Variants in TTC28 observed in about 807,000 individuals in gnomAD.
TTC28 encodes the protein tetratricopeptide repeat domain 28.
A neutral mutation model predicts 198.0 loss-of-function variants in TTC28; 61 were observed. That is an observed-to-expected ratio of 0.31 (90% CI 0.25 to 0.38). TTC28 has a LOEUF of 0.38. TTC28 is among the 10% of genes least tolerant of loss of function. The probability of loss-of-function intolerance (pLI) is 1.00; values close to 1 mark genes in which losing one functional copy is unlikely to be tolerated. For synonymous variants in TTC28, 1,171 were observed against 1,297.8 expected, an observed-to-expected ratio of 0.90 and a Z score of 2.10; for missense variants, 2,678 against 3,164.0, an observed-to-expected ratio of 0.85 and a Z score of 3.69.
intron 2 of TTC28, among the ~76,000 whole-genome samples, chr22:28,484,194 A>G (rs1450136598): frequency 1.3e-5 from 2 of 152,008 alleles, no homozygotes; most frequent in African/African-American, 4.8e-5. Flanking sequence ...TGCAGCCGTG[A>G]TCTCTCAGGC....
chr22:28,112,136 A>C (rs1942498477), intron 6 of TTC28, among the ~76,000 whole-genome samples: 1 of 152,180 alleles, frequency 6.6e-6, no homozygotes, highest in African/African-American at 2.4e-5. Context: ...TCTCACTAAT[A>C]AGGTCATATT....
intron 12 of TTC28, among the ~76,000 whole-genome samples, chr22:28,092,338 A>G (rs1172325754): frequency 6.6e-6 from 1 of 152,096 alleles, no homozygotes; most frequent in Non-Finnish European, 1.5e-5. Context: ...GTTCATCAGG[A>G]TCCTTAATCT....
intron 6 of TTC28, among the ~76,000 whole-genome samples, chr22:28,113,744 G>A (rs1209392031): frequency 6.6e-6 from 1 of 152,214 alleles, no homozygotes; most frequent in Non-Finnish European, 1.5e-5. Context: ...GAAAATAGAT[G>A]AAACAAGATT....
Position 28,622,014 on chromosome 22 carries a change from A to C in TTC28, c.381+7538T>G, listed in dbSNP as rs559689861. On this transcript the variant is annotated intron_variant, in intron 2 of 22. Transcript: ENST00000397906. The stretch of plus-strand genomic sequence containing the variant: ...TCACCCCAACCCAGAAAACAACTGT[A>C]AAGTCTAGACATAATATTTTAAAAA... 7.9e-5 allele frequency among the ~76,000 whole-genome samples: 12 copies of C among 152,234 alleles called. No individual in the cohort carries two copies. In the East Asian group the frequency reaches 2.3e-3, roughly 29 times the overall value.
intron 5 of TTC28, among the ~76,000 whole-genome samples, chr22:28,269,991 C>A (rs1277561211): frequency 1.3e-5 from 2 of 152,192 alleles, no homozygotes; most frequent in African/African-American, 4.8e-5. Flanking sequence ...CTGGTAAGAA[C>A]TGTTGACAAA....
At chr22:28,598,509 CAAAAAAAAAAA>C (rs36035176) in intron 2 of TTC28, among the ~76,000 whole-genome samples, 14 of 52,670 alleles carry the variant, frequency 2.7e-4, no homozygotes, top group African/African-American at 3.5e-4. Flanking sequence ...ACTACGTCTC[CAAAAAAAAAAA>C]AAAAAAAAAA....
intron 2 of TTC28, among the ~76,000 whole-genome samples, chr22:28,472,708 G>C (rs1178204648): frequency 6.6e-6 from 1 of 151,818 alleles, no homozygotes; most frequent in East Asian, 1.9e-4. Flanking sequence ...CCTAAAAAAG[G>C]GAACAGAGAA....
At chr22:28,601,449 CT>C (rs923122935) in intron 2 of TTC28, among the ~76,000 whole-genome samples, 2 of 152,058 alleles carry the variant, frequency 1.3e-5, no homozygotes, top group African/African-American at 2.4e-5. Context: ...ATATAGACTT[CT>C]TTTTTTGTCA....
intron 2 of TTC28, among the ~76,000 whole-genome samples, chr22:28,559,192 C>T (rs2049832183): frequency 1.3e-5 from 2 of 152,060 alleles, no homozygotes; most frequent in African/African-American, 4.8e-5. Context: ...TTATCTTATC[C>T]ATATGCTTAG....
intron 12 of TTC28, among the ~76,000 whole-genome samples, chr22:28,091,299 T>C (rs906918993): frequency 1.3e-5 from 2 of 152,250 alleles, no homozygotes; most frequent in Non-Finnish European, 2.9e-5. Flanking sequence ...AGGGTAATCC[T>C]CTTCTTTCTC....
At position 28,518,796 on chromosome 22, in the gene TTC28, GT is replaced by G. The variant is rs1349298134; in HGVS notation, c.381+110755del. On this transcript the variant is annotated intron_variant, in intron 2 of 22. Coordinates refer to ENST00000397906, the MANE Select transcript of TTC28 (RefSeq NM_001145418.2). ...AATTCATCTATCAATTACGAAAGTA[GT>G]AAAAAGGTCTTCATGACTAATATGC... Among the ~76,000 whole-genome samples, 9 of 152,272 alleles carry G rather than the reference GT, an allele frequency of 5.9e-5. No homozygotes were observed. The East Asian group carries it at 9.6e-4, about 16-fold the overall frequency.
At chr22:28,347,281 A>AC (rs2045919073) in intron 2 of TTC28, among the ~76,000 whole-genome samples, 2 of 151,542 alleles carry the variant, frequency 1.3e-5, no homozygotes, top group African/African-American at 4.8e-5. Flanking sequence ...GAAAAAAAAA[A>AC]AAAACAAAAA....
chr22:28,374,615 T>C (rs1227146708), intron 2 of TTC28, among the ~76,000 whole-genome samples: 1 of 152,176 alleles, frequency 6.6e-6, no homozygotes, highest in Non-Finnish European at 1.5e-5. Flanking sequence ...CTGACTCTGT[T>C]TCCTCATTGG....
intron 5 of TTC28, among the ~76,000 whole-genome samples, chr22:28,223,246 T>A (rs1162431810): frequency 6.6e-6 from 1 of 152,184 alleles, no homozygotes; most frequent in African/African-American, 2.4e-5. Context: ...CCAATGTGCT[T>A]ACTGCAATAG....
At chr22:28,025,049 A>T (rs1938772953) in intron 13 of TTC28, among the ~76,000 whole-genome samples, 1 of 152,218 alleles carries the variant, frequency 6.6e-6, no homozygotes, top group Non-Finnish European at 1.5e-5. Flanking sequence ...GGGGGTTCAA[A>T]GCCAGGGCTA....
chr22:28,264,738 G>A (rs556618764), intron 5 of TTC28, among the ~76,000 whole-genome samples: 4 of 152,270 alleles, frequency 2.6e-5, no homozygotes, highest in Non-Finnish European at 5.9e-5. Flanking sequence ...AAGGGAGTCA[G>A]AATGACCACA....
At chr22:28,166,955 A>G (rs1302175091) in intron 5 of TTC28, among the ~76,000 whole-genome samples, 1 of 152,192 alleles carries the variant, frequency 6.6e-6, no homozygotes, top group Non-Finnish European at 1.5e-5. Flanking sequence ...AGAGAGAAGA[A>G]TCAAATAGAT....
At chr22:28,460,563 T>C (rs1307948914) in intron 2 of TTC28, among the ~76,000 whole-genome samples, 1 of 152,012 alleles carries the variant, frequency 6.6e-6, no homozygotes, top group Admixed American at 6.6e-5. Context: ...TATGTATGTA[T>C]GTATGTATGT....
chr22:28,192,009 C>T (rs1200130667), intron 5 of TTC28, among the ~76,000 whole-genome samples: 3 of 152,186 alleles, frequency 2.0e-5, no homozygotes, highest in South Asian at 2.1e-4. Context: ...GGTCCCTGAC[C>T]GCCGAGTAGC....
Sources: gnomAD v4.1 joint callset for allele counts (sites outside exome capture counted in the v4.1 genomes callset) on GRCh38, gnomAD v4.1.1 for gene constraint, MANE v1.5 for transcripts, NCBI Gene and HGNC (gene_info 2026-07-23, HGNC 2026-07-21) for gene names.